FSTL5: variants seen among roughly 807,000 people sequenced by gnomAD.
FSTL5 encodes follistatin-related protein 5.
A neutral mutation model predicts 89.1 loss-of-function variants in FSTL5; 62 were observed. That is an observed-to-expected ratio of 0.70 (90% confidence interval 0.57 to 0.86). The LOEUF is 0.86. Among genes scored for constraint, FSTL5 ranks in the 40% least tolerant of loss-of-function variants. FSTL5 has a pLI of 0.00. For synonymous variants in FSTL5, 383 were observed against 346.2 expected, an observed-to-expected ratio of 1.11 and a Z score of -1.18; for missense variants, 1,057 against 1,001.6, an observed-to-expected ratio of 1.06 and a Z score of -0.75.
At chr4:161,513,273 GAGAGAGAGAGA>G (rs1730709613) in intron 10 of FSTL5, among the ~76,000 whole-genome samples, 2 of 3,626 alleles carry the variant, frequency 5.5e-4, no homozygotes, top group East Asian at 3.2e-3. Flanking sequence ...CAAGGAGGGG[GAGAGAGAGAGA>G]GAGAGAGAGA....
At chr4:161,536,490 C>T (rs1731621986) in intron 10 of FSTL5, among the ~76,000 whole-genome samples, 1 of 152,104 alleles carries the variant, frequency 6.6e-6, no homozygotes, top group Admixed American at 6.6e-5. Context: ...CCAAGGGAAA[C>T]TATCTTCTAT....
chr4:161,878,004 T>TA (rs397959526), intron 4 of FSTL5, among the ~76,000 whole-genome samples: 125 of 151,536 alleles, frequency 8.2e-4, no homozygotes, highest in Non-Finnish European at 3.7e-4. Flanking sequence ...ATCTTTTTTT[T>TA]ACTTATATAG....
chr4:162,100,117 G>A (rs955278233), intron 2 of FSTL5, among the ~76,000 whole-genome samples: 3 of 152,126 alleles, frequency 2.0e-5, no homozygotes, highest in African/African-American at 7.2e-5. Context: ...AATCTGCATG[G>A]GGATGTTTAT....
intron 4 of FSTL5, among the ~76,000 whole-genome samples, chr4:161,865,413 T>C (rs1253197568): frequency 6.6e-6 from 1 of 152,178 alleles, no homozygotes; most frequent in Non-Finnish European, 1.5e-5. Flanking sequence ...TTTAAGAATA[T>C]CACCATGAAG....
intron 7 of FSTL5, among the ~76,000 whole-genome samples, chr4:161,631,198 C>CA (rs1194180654): frequency 6.6e-6 from 1 of 152,218 alleles, no homozygotes; most frequent in Non-Finnish European, 1.5e-5. Flanking sequence ...ACCTTCATAA[C>CA]AAAGTCCCTA....
intron 13 of FSTL5, among the ~76,000 whole-genome samples, chr4:161,461,195 G>A (rs1203863689): frequency 6.6e-6 from 1 of 151,164 alleles, no homozygotes; most frequent in Non-Finnish European, 1.5e-5. Flanking sequence ...GGTGGCTCAC[G>A]CCTGTAGTCC....
At chr4:161,706,857 C>T (rs576711947) in intron 6 of FSTL5, among the ~76,000 whole-genome samples, 2 of 151,928 alleles carry the variant, frequency 1.3e-5, no homozygotes, top group African/African-American at 4.8e-5. Context: ...CTAAATTATG[C>T]TCTCAAAAGT....
intron 4 of FSTL5, among the ~76,000 whole-genome samples, chr4:161,883,928 T>A (rs1329388210): frequency 1.3e-5 from 2 of 152,246 alleles, no homozygotes; most frequent in Admixed American, 6.5e-5. Flanking sequence ...GTTTAATGCT[T>A]TTAAAAGAAA....
intron 4 of FSTL5, among the ~76,000 whole-genome samples, chr4:161,814,883 T>C (rs573570136): frequency 1.3e-5 from 2 of 152,190 alleles, no homozygotes; most frequent in Middle Eastern, 3.4e-3. Flanking sequence ...AAAAAGAAGA[T>C]ATAGTCCTGA....
chr4:161,976,456 T>A (rs1241739311), intron 3 of FSTL5, among the ~76,000 whole-genome samples: 1 of 152,088 alleles, frequency 6.6e-6, no homozygotes, highest in Non-Finnish European at 1.5e-5. Context: ...TATCAGGTGA[T>A]TTTAAGGTGC....
chr4:162,161,473 C>T (rs1733693013), intron 1 of FSTL5, among the ~76,000 whole-genome samples: 1 of 151,876 alleles, frequency 6.6e-6, no homozygotes, highest in Non-Finnish European at 1.5e-5. Flanking sequence ...AAAAATGCAG[C>T]TAATGTTTTA....
chr4:161,785,297 A>T (rs1182220905), intron 4 of FSTL5, among the ~76,000 whole-genome samples: 1 of 152,204 alleles, frequency 6.6e-6, no homozygotes, highest in African/African-American at 2.4e-5. Context: ...GTGAAATTCT[A>T]TCCAGGAGTC....
At chr4:161,788,192 G>T (rs1741979644) in intron 4 of FSTL5, among the ~76,000 whole-genome samples, 1 of 152,134 alleles carries the variant, frequency 6.6e-6, no homozygotes, top group South Asian at 2.1e-4. Flanking sequence ...TATATACATT[G>T]TGTAATGATC....
At chr4:161,709,382 T>C (rs759129816) in intron 6 of FSTL5, among the ~76,000 whole-genome samples, 5 of 152,144 alleles carry the variant, frequency 3.3e-5, no homozygotes, top group Non-Finnish European at 7.4e-5. Context: ...ATTTAAACTA[T>C]ATAAGCTTTC....
chr4:161,826,581 A>G (rs939305411), intron 4 of FSTL5, among the ~76,000 whole-genome samples: 3 of 152,100 alleles, frequency 2.0e-5, no homozygotes, highest in African/African-American at 7.2e-5. Flanking sequence ...GTTTAGGTGC[A>G]TACTTATTTA....
At chr4:161,954,196 T>G (rs1314896517) in intron 3 of FSTL5, among the ~76,000 whole-genome samples, 1 of 151,654 alleles carries the variant, frequency 6.6e-6, no homozygotes, top group East Asian at 1.9e-4. Context: ...ATCCACAATA[T>G]ACATTAATAA....
chr4:161,553,729 T>C (rs979427129), intron 8 of FSTL5, among the ~76,000 whole-genome samples: 14 of 151,562 alleles, frequency 9.2e-5, no homozygotes, highest in African/African-American at 2.9e-4. Flanking sequence ...AATTAGATTG[T>C]TAGCTATAAT....
intron 8 of FSTL5, among the ~76,000 whole-genome samples, chr4:161,546,292 T>TTATATATA (rs142188672): frequency 1.2e-3 from 173 of 145,584 alleles, no homozygotes; most frequent in South Asian, 1.9e-3. Context: ...TATATACATA[T>TTATATATA]TATATATATA....
rs201427352 is a variant in FSTL5, at chr4:161,459,190, T to G, written c.1716+22A>C. 3,640 of 1,264,306 alleles carry G rather than the reference T, an allele frequency of 2.9e-3. 12 individuals carry two copies. The highest frequency in any genetic ancestry group is 3.7e-3 in the Non-Finnish European group (3,177 of 863,294). 78.3% of individuals were successfully genotyped at this position (1,264,306 alleles called of 1,614,324 possible). ...AAGCTTTAAAGATTGTTATTTTCTC[T>G]AATATACTGAAATGTACTTACCTGT... On this transcript the variant is annotated intron_variant, in intron 14 of 15. Transcript: ENST00000306100.
Sources: allele counts gnomAD v4.1 joint callset (sites outside exome capture counted in the v4.1 genomes callset), GRCh38; gene constraint gnomAD v4.1.1; transcripts MANE v1.5; gene names NCBI Gene and HGNC (gene_info 2026-07-23, HGNC 2026-07-21).